Variants in GRID1 observed in about 807,000 individuals in gnomAD.
The protein encoded by GRID1 is glutamate ionotropic receptor delta type subunit 1.
In GRID1, 28 loss-of-function variants were observed where a neutral mutation model predicts 98.0. That is an observed-to-expected ratio of 0.29 (90% CI 0.21 to 0.39). GRID1 has a LOEUF of 0.39. GRID1 is among the 10% of genes least tolerant of loss of function. The probability of loss-of-function intolerance (pLI) is 1.00; values close to 1 mark genes in which losing one functional copy is unlikely to be tolerated. For synonymous variants in GRID1, 553 were observed against 538.5 expected (o/e 1.03, Z -0.37); for missense variants, 1,111 against 1,340.5 (o/e 0.83, Z 2.67).
In GRID1 at chr10:85,601,914, G is replaced by T. The variant is rs538503863; in HGVS notation, c.*359C>A. On this transcript the variant is annotated 3_prime_UTR_variant, in exon 16 of 16. Coordinates refer to ENST00000327946, the MANE Select transcript of GRID1 (RefSeq NM_017551.3). Reference sequence around the variant, plus strand: ...GTCTTCCCTTCTCCCCCAGCAGAGAGGGGCTCCTTATCTGGTCGCCCCTCC... The same window carrying T: ...GTCTTCCCTTCTCCCCCAGCAGAGATGGGCTCCTTATCTGGTCGCCCCTCC... 4.8e-6 allele frequency: 1 copy of T among 206,216 alleles called. No homozygotes were observed. Among genetic ancestry groups the T allele is most frequent in the East Asian group, 1.1e-4 (1 of 9,126 alleles). The allele number at this position is 206,216 out of a possible 1,614,324, so 12.8% of individuals were successfully genotyped here.
intron 5 of GRID1, among the ~76,000 whole-genome samples, chr10:85,883,529 T>C (rs1404936479): frequency 2.0e-5 from 3 of 148,288 alleles, no homozygotes; most frequent in Non-Finnish European, 4.5e-5. Flanking sequence ...TCTCTCTCTC[T>C]GTCTCTCTCT....
At chr10:85,701,487 C>A (rs1315720143) in intron 12 of GRID1, among the ~76,000 whole-genome samples, 1 of 152,032 alleles carries the variant, frequency 6.6e-6, no homozygotes, top group Admixed American at 6.6e-5. Flanking sequence ...GGGCAAAAAA[C>A]TCAAAAGAAA....
intron 4 of GRID1, among the ~76,000 whole-genome samples, chr10:85,977,768 G>A (rs1327365967): frequency 1.3e-5 from 2 of 152,152 alleles, no homozygotes; most frequent in Admixed American, 1.3e-4. Flanking sequence ...TCCTTACGTG[G>A]CAGTCACTAG....
chr10:86,166,289 C>A (rs550716421), intron 3 of GRID1, among the ~76,000 whole-genome samples: 10 of 152,274 alleles, frequency 6.6e-5, no homozygotes, highest in Admixed American at 5.2e-4. Context: ...AAAATTTTTA[C>A]AATCTACCCA....
In GRID1 at chr10:85,685,195, TAA is replaced by T. The variant is rs568597340; in HGVS notation, c.1998-37800_1998-37799del. 4.3e-3 allele frequency among the ~76,000 whole-genome samples: 650 copies of T among 152,346 alleles called. 5 individuals are homozygous for T. The highest frequency in any genetic ancestry group is 0.014 in the African/African-American group (575 of 41,570). ...CAGAAATTCCAGGAGAATTTATAGT[TAA>T]GTTATTAAAATTAATAAGCCTATTC... On this transcript the variant is annotated intron_variant, in intron 12 of 15. Transcript: ENST00000327946.
chr10:86,235,799 G>A (rs150496102), intron 2 of GRID1, among the ~76,000 whole-genome samples: 190 of 152,300 alleles, frequency 1.2e-3, no homozygotes, highest in African/African-American at 4.4e-3. Context: ...CCAGTTGATG[G>A]ACATTTGTGT....
intron 4 of GRID1, among the ~76,000 whole-genome samples, chr10:86,062,138 CA>C (rs2131914019): frequency 6.6e-6 from 1 of 152,260 alleles, no homozygotes; most frequent in East Asian, 1.9e-4. Context: ...TAAATGAGGG[CA>C]AAACTTTGTT....
At chr10:85,809,314 T>C (rs1047870467) in intron 8 of GRID1, among the ~76,000 whole-genome samples, 1 of 152,138 alleles carries the variant, frequency 6.6e-6, no homozygotes, top group African/African-American at 2.4e-5. Flanking sequence ...ACTTAAATTA[T>C]TAAATTTAAT....
At chr10:86,196,090 T>C (rs79280166) in intron 3 of GRID1, among the ~76,000 whole-genome samples, 13,263 of 152,052 alleles carry the variant, frequency 0.087, 704 homozygotes, top group South Asian at 0.12. Context: ...TTCCCTTCCA[T>C]GGACCCCTTC....
At chr10:86,220,226 T>C (rs1394682362) in intron 2 of GRID1, among the ~76,000 whole-genome samples, 1 of 152,158 alleles carries the variant, frequency 6.6e-6, no homozygotes, top group African/African-American at 2.4e-5. Context: ...GCCACATTAG[T>C]GCAGAGGACG....
chr10:86,163,179 G>A (rs1007940060), intron 3 of GRID1, among the ~76,000 whole-genome samples: 1 of 152,154 alleles, frequency 6.6e-6, no homozygotes, highest in Non-Finnish European at 1.5e-5. Context: ...GGGCAGGCTG[G>A]AGCCACTTGA....
chr10:85,809,450 C>A lies in GRID1; in HGVS notation c.1233+45046G>T, dbSNP rs73330538. Among the ~76,000 whole-genome samples, 804 of 152,206 alleles carry A rather than the reference C, an allele frequency of 5.3e-3. 6 individuals carry two copies. The highest frequency in any genetic ancestry group is 0.018 in the African/African-American group (757 of 41,512). On this transcript the variant is annotated intron_variant, in intron 8 of 15. Coordinates refer to ENST00000327946, the MANE Select transcript of GRID1 (RefSeq NM_017551.3). ...TACCTAAACACATTATAAACATACT[C>A]CCAAAACTCAAACACAGAGAAAATT...
intron 2 of GRID1, among the ~76,000 whole-genome samples, chr10:86,295,278 T>C (rs1847572204): frequency 6.6e-6 from 1 of 152,000 alleles, no homozygotes; most frequent in African/African-American, 2.4e-5. Context: ...AATAATCCAC[T>C]AGAGAAGGAA....
intron 4 of GRID1, among the ~76,000 whole-genome samples, chr10:86,064,292 T>C (rs1843689734): frequency 6.6e-6 from 1 of 152,132 alleles, no homozygotes; most frequent in South Asian, 2.1e-4. Flanking sequence ...CCAGCCTGAG[T>C]CTGTCTGATC....
intron 8 of GRID1, among the ~76,000 whole-genome samples, chr10:85,772,308 G>A (rs1037118018): frequency 6.6e-6 from 1 of 152,020 alleles, no homozygotes; most frequent in African/African-American, 2.4e-5. Flanking sequence ...GAATCTCTGG[G>A]ACACATTCAA....
intron 2 of GRID1, among the ~76,000 whole-genome samples, chr10:86,339,824 A>G (rs992396952): frequency 1.3e-5 from 2 of 152,242 alleles, no homozygotes; most frequent in African/African-American, 2.4e-5. Context: ...GCTAGAGATG[A>G]GGACCCAAAA....
In GRID1 at chr10:86,208,154, C is replaced by T. The variant is rs918185294; in HGVS notation, c.236-1506G>A. Among the ~76,000 whole-genome samples the T allele has an allele frequency of 2.1e-4, 32 of 152,288 alleles. 1 individual carries two copies. Among genetic ancestry groups the T allele is most frequent in the Admixed American group, 1.2e-3 (19 of 15,304 alleles). ...ACATGTGGGAAGGGGAGGGTCCCCCCACACTCTCCAGCAGCAAAGACCGGC... is the reference window on the plus strand; with the variant it reads ...ACATGTGGGAAGGGGAGGGTCCCCCTACACTCTCCAGCAGCAAAGACCGGC... On this transcript the variant is annotated intron_variant, in intron 2 of 15. Coordinates refer to ENST00000327946, the MANE Select transcript of GRID1 (RefSeq NM_017551.3).
chr10:86,189,436 A>G (rs574914039), intron 3 of GRID1, among the ~76,000 whole-genome samples: 13 of 151,972 alleles, frequency 8.6e-5, no homozygotes, highest in Admixed American at 1.3e-4. Context: ...AGAAGTCCTG[A>G]CACAGCCTCC....
chr10:86,117,154 T>A (rs966689598), intron 4 of GRID1, among the ~76,000 whole-genome samples: 1 of 147,428 alleles, frequency 6.8e-6, no homozygotes, highest in Non-Finnish European at 1.5e-5. Context: ...ACCACCAACA[T>A]CACCATCACC....
Sources: gnomAD v4.1 joint callset for allele counts (sites outside exome capture counted in the v4.1 genomes callset) on GRCh38, gnomAD v4.1.1 for gene constraint, MANE v1.5 for transcripts, NCBI Gene and HGNC (gene_info 2026-07-23, HGNC 2026-07-21) for gene names.